Variants in SPOCK1 observed in about 807,000 individuals in gnomAD.
SPOCK1 encodes the protein SPARC (osteonectin), cwcv and kazal like domains proteoglycan 1, also known as testican-1.
Under a neutral mutation model 55.3 loss-of-function variants are expected in SPOCK1, and 23 were observed. The observed-to-expected ratio is 0.42, with a 90% CI of 0.30 to 0.59. The LOEUF (loss-of-function observed/expected upper bound fraction) is 0.59, where lower values mean the gene tolerates loss of function less well. SPOCK1 is among the 20% of genes least tolerant of loss of function. SPOCK1 has a pLI of 0.22. For synonymous variants in SPOCK1, 226 were observed against 221.0 expected, an observed-to-expected ratio of 1.02 and a Z score of -0.20; for missense variants, 499 against 552.5, an observed-to-expected ratio of 0.90 and a Z score of 0.97.
At chr5:137,485,616 G>A (rs935389941) in intron 2 of SPOCK1, among the ~76,000 whole-genome samples, 1 of 152,140 alleles carries the variant, frequency 6.6e-6, no homozygotes, top group Non-Finnish European at 1.5e-5. Context: ...ACATGCCTCA[G>A]AGAGTGCTAT....
intron 6 of SPOCK1, among the ~76,000 whole-genome samples, chr5:137,056,028 T>A (rs762466234): frequency 9.2e-5 from 14 of 152,212 alleles, no homozygotes; most frequent in Non-Finnish European, 1.8e-4. Flanking sequence ...AGTACATAAA[T>A]GTGCCTGGAA....
At position 137,436,568 on chromosome 5, in the gene SPOCK1, A is replaced by T. The variant is rs375944409; in HGVS notation, c.186+61805T>A. Among the ~76,000 whole-genome samples the T allele has an allele frequency of 6.6e-4, 101 of 152,266 alleles. 1 individual carries two copies. The highest frequency in any genetic ancestry group is 3.3e-3 in the Admixed American group (51 of 15,292). ...CCTCTATTATGCATCATTTCCAAAA[A>T]TTTTTTGGCAATTCCAGCTAGCATA... On this transcript the variant is annotated intron_variant, in intron 2 of 10. Coordinates refer to ENST00000394945, the MANE Select transcript of SPOCK1 (RefSeq NM_004598.4).
intron 2 of SPOCK1, among the ~76,000 whole-genome samples, chr5:137,311,659 A>G (rs1385194852): frequency 6.6e-6 from 1 of 152,180 alleles, no homozygotes; most frequent in Non-Finnish European, 1.5e-5. Flanking sequence ...TCTCCTTTTG[A>G]TAAATATCAT....
At chr5:137,018,656 C>T (rs993949949) in intron 6 of SPOCK1, among the ~76,000 whole-genome samples, 2 of 152,020 alleles carry the variant, frequency 1.3e-5, no homozygotes, top group African/African-American at 4.8e-5. Context: ...TTCTTAGAGG[C>T]GTATTTTATT....
chr5:137,390,633 C>T (rs551584760), intron 2 of SPOCK1, among the ~76,000 whole-genome samples: 1 of 152,260 alleles, frequency 6.6e-6, no homozygotes, highest in South Asian at 2.1e-4. Context: ...AAATCTCCAC[C>T]TTCATAGATG....
chr5:137,148,451 C>T (rs946433942), intron 3 of SPOCK1, among the ~76,000 whole-genome samples: 1 of 152,218 alleles, frequency 6.6e-6, no homozygotes, highest in Non-Finnish European at 1.5e-5. Context: ...CCTCCCTTCT[C>T]AAAGCTATCA....
intron 6 of SPOCK1, among the ~76,000 whole-genome samples, chr5:137,010,824 A>G (rs1319869735): frequency 6.6e-6 from 1 of 152,118 alleles, no homozygotes; most frequent in Non-Finnish European, 1.5e-5. Context: ...GGGTTTATAG[A>G]TTGTTGCTAT....
At chr5:137,247,985 A>C (rs1756430180) in intron 3 of SPOCK1, among the ~76,000 whole-genome samples, 1 of 152,224 alleles carries the variant, frequency 6.6e-6, no homozygotes, top group Non-Finnish European at 1.5e-5. Flanking sequence ...TCAAATTTCA[A>C]CATGAGCTTT....
At chr5:137,305,895 G>A (rs58960884) in intron 2 of SPOCK1, among the ~76,000 whole-genome samples, 24,391 of 152,190 alleles carry the variant, frequency 0.16, 2,212 homozygotes, top group East Asian at 0.27. Flanking sequence ...GTTTGCATAC[G>A]ATGTGCAAAA....
chr5:137,286,096 CT>C (rs1432443794), intron 2 of SPOCK1, among the ~76,000 whole-genome samples: 1 of 152,142 alleles, frequency 6.6e-6, no homozygotes, highest in Non-Finnish European at 1.5e-5. Flanking sequence ...GTGGTCAATG[CT>C]GTTTTTACCA....
At chr5:137,226,201 T>C (rs929529549) in intron 3 of SPOCK1, among the ~76,000 whole-genome samples, 1 of 152,246 alleles carries the variant, frequency 6.6e-6, no homozygotes, top group Non-Finnish European at 1.5e-5. Flanking sequence ...GCATCTTTCA[T>C]GCTAATTCAT....
chr5:137,102,570 TTC>T (rs1753291003), intron 5 of SPOCK1, among the ~76,000 whole-genome samples: 1 of 152,222 alleles, frequency 6.6e-6, no homozygotes, highest in Non-Finnish European at 1.5e-5. Context: ...TGAGTCATGT[TTC>T]TGTCATTAAA....
At chr5:137,413,456 T>A (rs1263349513) in intron 2 of SPOCK1, among the ~76,000 whole-genome samples, 2 of 152,238 alleles carry the variant, frequency 1.3e-5, no homozygotes, top group African/African-American at 4.8e-5. Flanking sequence ...AATAAGCAGA[T>A]AATTAACAGC....
At chr5:136,999,576 C>T (rs1419346670) in intron 6 of SPOCK1, among the ~76,000 whole-genome samples, 2 of 152,108 alleles carry the variant, frequency 1.3e-5, no homozygotes, top group African/African-American at 4.8e-5. Flanking sequence ...TCATTGATGA[C>T]TTCAAGGGCT....
intron 6 of SPOCK1, among the ~76,000 whole-genome samples, chr5:137,030,814 C>CA (rs1156618471): frequency 1.4e-4 from 21 of 151,746 alleles, no homozygotes; most frequent in Non-Finnish European, 2.8e-4. Context: ...TTTTGAATAG[C>CA]AAAAAAAAGT....
chr5:137,417,088 T>G (rs936388322), intron 2 of SPOCK1, among the ~76,000 whole-genome samples: 1 of 152,146 alleles, frequency 6.6e-6, no homozygotes, highest in Admixed American at 6.5e-5. Context: ...AATGTTTATA[T>G]GCACATGTGT....
At chr5:137,203,120 G>A (rs994279085) in intron 3 of SPOCK1, among the ~76,000 whole-genome samples, 5 of 152,152 alleles carry the variant, frequency 3.3e-5, no homozygotes, top group African/African-American at 1.2e-4. Context: ...CTTCATTTAG[G>A]CTAATGATTA....
chr5:137,366,595 C>G (rs1751068979), intron 2 of SPOCK1, among the ~76,000 whole-genome samples: 3 of 152,308 alleles, frequency 2.0e-5, no homozygotes, highest in South Asian at 2.1e-4. Flanking sequence ...CTGCCCCACC[C>G]CACCCACTAT....
At chr5:137,392,901 C>A (rs186370395) in intron 2 of SPOCK1, among the ~76,000 whole-genome samples, 1 of 152,118 alleles carries the variant, frequency 6.6e-6, no homozygotes, top group Non-Finnish European at 1.5e-5. Flanking sequence ...CTTTTTGAGG[C>A]CCTACCCTTA....
Sources: allele counts gnomAD v4.1 joint callset (sites outside exome capture counted in the v4.1 genomes callset), GRCh38; gene constraint gnomAD v4.1.1; transcripts MANE v1.5; gene names NCBI Gene and HGNC (gene_info 2026-07-23, HGNC 2026-07-21).